CAST: variants seen among roughly 807,000 people sequenced by gnomAD.
CAST encodes MIR583 host.
CAST carries 76 observed loss-of-function variants against 119.6 expected under a neutral mutation model. That is an observed-to-expected ratio of 0.64 (90% confidence interval 0.53 to 0.77). CAST has a LOEUF of 0.77. CAST is among the 30% of genes least tolerant of loss of function. The pLI, the probability that CAST is intolerant of heterozygous loss-of-function variation, is 0.00. For missense variants in CAST, 953 were observed against 946.5 expected (o/e 1.01, Z -0.09); for synonymous variants, 319 against 331.6 (o/e 0.96, Z 0.41).
Position 96,748,581 on chromosome 5 carries a change from G to C in CAST, c.1396G>C (p.Glu466Gln). The change falls in exon 19 of 32, where the codon GAG becomes CAG. Residue 466 changes from glutamate to glutamine, a missense_variant. Coordinates refer to ENST00000675179, the MANE Select transcript of CAST (RefSeq NM_001750.7). ...AGATTTTGACCGGTCTGAATGTAAAGAGAAACCATCTAAGCCAACTGAAAA... is the reference window on the plus strand; with the variant it reads ...AGATTTTGACCGGTCTGAATGTAAACAGAAACCATCTAAGCCAACTGAAAA... ...SEDFDRSECK[E>Q]KPSKPTEKTE... 10 of 1,562,978 alleles carry C rather than the reference G, an allele frequency of 6.4e-6. No individual in the cohort carries two copies. Among genetic ancestry groups the C allele is most frequent in the Non-Finnish European group, 7.9e-6 (9 of 1,133,844 alleles).
At chr5:96,194,721 A>G in the CAST span, among the ~76,000 whole-genome samples, 1 of 152,234 alleles carries the variant, frequency 6.6e-6, no homozygotes, top group Non-Finnish European at 1.5e-5. Context: ...AAACTTAGCC[A>G]TAATGTTCTT....
chr5:96,094,590 T>G, the CAST span, among the ~76,000 whole-genome samples: 1 of 152,210 alleles, frequency 6.6e-6, no homozygotes, highest in African/African-American at 2.4e-5. Context: ...ATACTTTCAG[T>G]GATCTTATGA....
chr5:96,162,453 T>G, the CAST span, among the ~76,000 whole-genome samples: 1 of 152,334 alleles, frequency 6.6e-6, no homozygotes, highest in Admixed American at 6.5e-5. Flanking sequence ...TGTCTTGCTC[T>G]GTCGCCCAGG....
chr5:96,021,480 C>G, the CAST span, among the ~76,000 whole-genome samples: 3 of 151,890 alleles, frequency 2.0e-5, no homozygotes, highest in Non-Finnish European at 4.4e-5. Flanking sequence ...GAGTCTCGCT[C>G]TGTTGCCCAG....
chr5:96,425,078 G>A, the CAST span, among the ~76,000 whole-genome samples: 1 of 142,924 alleles, frequency 7.0e-6, no homozygotes, highest in Non-Finnish European at 1.6e-5. Context: ...GAAAGAAAAC[G>A]TAGGGTCAAG....
At chr5:96,543,362 T>C (rs1252791120) in intron 1 of CAST, among the ~76,000 whole-genome samples, 1 of 151,918 alleles carries the variant, frequency 6.6e-6, no homozygotes, top group Non-Finnish European at 1.5e-5. Flanking sequence ...GAGGGGAACA[T>C]CACACACTGG....
At chr5:96,156,845 C>G in the CAST span, among the ~76,000 whole-genome samples, 2 of 152,206 alleles carry the variant, frequency 1.3e-5, no homozygotes, top group Non-Finnish European at 2.9e-5. Flanking sequence ...CCTCCAGACC[C>G]AGTTTTTAGG....
chr5:96,729,665 T>C lies in CAST; in HGVS notation c.489T>C (p.Asn163=), dbSNP rs1449313969. 13 of 1,606,578 alleles carry C rather than the reference T, an allele frequency of 8.1e-6. No homozygotes were observed. Among genetic ancestry groups the C allele is most frequent in the Non-Finnish European group, 1.0e-5 (12 of 1,173,352 alleles). ...ASDTGSNDAH[N]KKAVSRSAEQ... is the part of the protein sequence containing the mutation. ...ATACAGGAAGTAACGATGCTCACAA[T>C]AAAAAAGCAGTTTCCAGATCAGCTG... Residue 163 remains asparagine (N), a synonymous_variant, in exon 8 of 32, where the codon AAT becomes AAC. Transcript: ENST00000675179.
At chr5:96,739,902 GCTT>G in intron 11 of CAST, 133 bp from the exon 12 acceptor site, 1 of 582,696 alleles carries the variant, frequency 1.7e-6, no homozygotes, top group Non-Finnish European at 3.1e-6. Flanking sequence ...TAAAGTGTTG[GCTT>G]CTTAATGATT....
chr5:96,410,443 A>G, the CAST span, among the ~76,000 whole-genome samples: 1 of 152,036 alleles, frequency 6.6e-6, no homozygotes, highest in Non-Finnish European at 1.5e-5. Flanking sequence ...TACAACCCTG[A>G]GATCTCCTTT....
chr5:96,393,044 C>T, the CAST span: 37 of 1,613,912 alleles, frequency 2.3e-5, no homozygotes, highest in East Asian at 4.5e-5. Flanking sequence ...TTGAAGCAGC[C>T]GGTCGTCTCT....
At chr5:96,474,449 G>A in the CAST span, among the ~76,000 whole-genome samples, 73 of 151,222 alleles carry the variant, frequency 4.8e-4, no homozygotes, top group African/African-American at 1.7e-3. Context: ...GGGGTGAGGG[G>A]TGGGGCCTGT....
intron 1 of CAST, chr5:96,546,628 C>G (rs945969857): frequency 2.0e-5 from 3 of 152,066 alleles, no homozygotes; most frequent in African/African-American, 7.2e-5. Context: ...AGAAGATCCA[C>G]ACAGTATCTC....
chr5:96,076,601 GC>G, the CAST span, among the ~76,000 whole-genome samples: 1 of 152,174 alleles, frequency 6.6e-6, no homozygotes, highest in Non-Finnish European at 1.5e-5. Flanking sequence ...GTAATTAGTA[GC>G]TATAGCATTT....
the CAST span, among the ~76,000 whole-genome samples, chr5:96,287,651 A>G: frequency 6.6e-6 from 1 of 152,114 alleles, no homozygotes; most frequent in East Asian, 1.9e-4. Context: ...TTCAGTAAGG[A>G]AGTTGAAATT....
the CAST span, among the ~76,000 whole-genome samples, chr5:96,481,511 T>C: frequency 6.6e-6 from 1 of 152,200 alleles, no homozygotes; most frequent in African/African-American, 2.4e-5. Context: ...GAAACAGATG[T>C]ATCCTAAGTG....
chr5:96,400,220 G>T, the CAST span: 1 of 1,478,752 alleles, frequency 6.8e-7, no homozygotes, highest in Non-Finnish European at 9.5e-7. Flanking sequence ...GTCTTTCAGA[G>T]AAAAATGAAG....
At chr5:96,656,437 G>GT (rs1561440411) in intron 1 of CAST, among the ~76,000 whole-genome samples, 1 of 152,188 alleles carries the variant, frequency 6.6e-6, no homozygotes, top group Admixed American at 6.5e-5. Flanking sequence ...GTGGAAGGTC[G>GT]TAAGGAAGCT....
the CAST span, among the ~76,000 whole-genome samples, chr5:96,248,770 A>G: frequency 6.6e-6 from 1 of 152,254 alleles, no homozygotes; most frequent in African/African-American, 2.4e-5. Context: ...GTGTGTTAGC[A>G]AAGTTCTAAG....
Sources: allele counts gnomAD v4.1 joint callset (sites outside exome capture counted in the v4.1 genomes callset), GRCh38; gene constraint gnomAD v4.1.1; transcripts MANE v1.5; gene names NCBI Gene and HGNC (gene_info 2026-07-23, HGNC 2026-07-21).